Variants in ZFYVE21 observed in about 807,000 individuals in gnomAD.
The protein encoded by ZFYVE21 is zinc finger FYVE domain-containing protein 21.
In ZFYVE21, 21 loss-of-function variants were observed where a neutral mutation model predicts 29.5. The ratio of observed to expected loss-of-function variants is 0.71; its 90% confidence interval spans 0.50 to 1.02. The LOEUF (loss-of-function observed/expected upper bound fraction) is 1.02, where lower values mean the gene tolerates loss of function less well. ZFYVE21 is among the 50% of genes least tolerant of loss of function. ZFYVE21 has a pLI of 0.00. For missense variants in ZFYVE21, 326 were observed against 335.4 expected (o/e 0.97, Z 0.22); for synonymous variants, 151 against 133.8 (o/e 1.13, Z -0.89).
At chr14:103,718,657 A>G (rs1595687406) in intron 1 of ZFYVE21, among the ~76,000 whole-genome samples, 1 of 152,266 alleles carries the variant, frequency 6.6e-6, no homozygotes, top group East Asian at 1.9e-4. Context: ...GACGCAAGGC[A>G]GTGGGCTTGG....
chr14:103,721,688 T>C (rs2083873904), intron 1 of ZFYVE21, among the ~76,000 whole-genome samples: 2 of 152,228 alleles, frequency 1.3e-5, no homozygotes, highest in African/African-American at 4.8e-5. Context: ...CTTGCCTCAC[T>C]CTCCCTCTTC....
rs967999662 is a variant in ZFYVE21, at chr14:103,729,139, C to T, written c.483C>T (p.His161=). 35 of 1,613,974 alleles carry T rather than the reference C, an allele frequency of 2.2e-5. No homozygotes were observed. The highest frequency in any genetic ancestry group is 2.8e-5 in the Non-Finnish European group (33 of 1,180,034). ...GDSHYEIEIV[H]ISTVQILTEG... is the part of the protein sequence containing the mutation. ...GCCACTATGAAATCGAAATTGTACA[C>T]ATTTCCACCGTGCAGATCCTCACAG... is the stretch of plus-strand genomic sequence containing the variant. The change falls in exon 5 of 7, where the codon CAC becomes CAT. Residue 161 remains histidine, a synonymous_variant. Transcript: ENST00000311141.
chr14:103,717,313 T>C (rs2083834326), intron 1 of ZFYVE21, among the ~76,000 whole-genome samples: 1 of 152,208 alleles, frequency 6.6e-6, no homozygotes, highest in Non-Finnish European at 1.5e-5. Flanking sequence ...AGTTGACACG[T>C]GAAAATTGTA....
intron 1 of ZFYVE21, among the ~76,000 whole-genome samples, chr14:103,722,385 C>T (rs1264877558): frequency 7.7e-6 from 1 of 129,080 alleles, no homozygotes; most frequent in Non-Finnish European, 1.6e-5. Context: ...GACAGGGTCT[C>T]ACTCTGCTTC....
At chr14:103,729,598 C>T (rs975087258) in intron 5 of ZFYVE21, 1 of 690,410 alleles carries the variant, frequency 1.4e-6, no homozygotes, top group Non-Finnish European at 2.4e-6. Context: ...GACTAAACCC[C>T]TGGTGCATTT....
At chr14:103,722,929 C>T (rs1249984463) in intron 1 of ZFYVE21, among the ~76,000 whole-genome samples, 3 of 152,248 alleles carry the variant, frequency 2.0e-5, no homozygotes, top group South Asian at 2.1e-4. Flanking sequence ...GGATTACAGG[C>T]GTGAGCCACT....
chr14:103,727,633 A>G (rs7160123), intron 2 of ZFYVE21, 113 bp from the exon 3 acceptor site: 3 of 1,407,534 alleles, frequency 2.1e-6, no homozygotes, highest in Non-Finnish European at 2.9e-6. Flanking sequence ...AGCGGCCGGC[A>G]CAGGGGCCTC....
chr14:103,731,859 G>A (rs2083979144), intron 5 of ZFYVE21: 1 of 152,216 alleles, frequency 6.6e-6, no homozygotes, highest in East Asian at 1.9e-4. Context: ...CATCCCATGG[G>A]TCTCTTTCAA....
chr14:103,732,575 C>T (rs202103066), intron 5 of ZFYVE21, 45 bp from the exon 6 acceptor site: 27 of 1,515,556 alleles, frequency 1.8e-5, no homozygotes, highest in African/African-American at 4.2e-5. Context: ...CGCCTGGGCA[C>T]TCAGGGCCTC....
Position 103,726,781 on chromosome 14 carries a change from G to C in ZFYVE21, c.139-11G>C. ...AAGCTGCGTTTTAACGCTTTGTCGT[G>C]TCTTTCCTAGTGTCGGAGATGTATG... On this transcript the variant is annotated splice_polypyrimidine_tract_variant and intron_variant, in intron 1 of 6. Coordinates refer to ENST00000311141, the MANE Select transcript of ZFYVE21 (RefSeq NM_024071.4). 1.2e-6 allele frequency: 2 copies of C among 1,613,928 alleles called. No individual in the cohort carries two copies. The highest frequency in any genetic ancestry group is 2.2e-5 in the South Asian group (2 of 91,078).
intron 6 of ZFYVE21, 66 bp from the exon 7 acceptor site, chr14:103,732,917 C>T: frequency 6.2e-7 from 1 of 1,612,102 alleles, no homozygotes; most frequent in Non-Finnish European, 8.5e-7. Context: ...GAAATGCACA[C>T]AGGCTTGGCT....
rs750825855 is a variant in ZFYVE21 at position 103,732,963 on chromosome 14, TG to T, written c.670-19del. On this transcript the variant is annotated intron_variant, in intron 6 of 6. Coordinates refer to ENST00000311141, the MANE Select transcript of ZFYVE21 (RefSeq NM_024071.4). Reference sequence around the variant, plus strand: ...CAGGACCAAGCAGGCCTCACTGTGTTGATCTTGTCTGATCTGCAGGCTGCCA... The same window carrying T: ...CAGGACCAAGCAGGCCTCACTGTGTTATCTTGTCTGATCTGCAGGCTGCCA... 6.2e-6 allele frequency: 10 copies of T among 1,614,022 alleles called. No individual in the cohort carries two copies. Among genetic ancestry groups the T allele is most frequent in the Non-Finnish European group, 7.6e-6 (9 of 1,180,004 alleles).
rs1035162352 is a variant in ZFYVE21 at position 103,716,569 on chromosome 14, T to A, written c.138+590T>A. ...TCTGCGGGCCAGGCTGCCCCCCGTT[T>A]CCCTTCGTCTATACCACCCTCCACC... is the stretch of plus-strand genomic sequence containing the variant. On this transcript the variant is annotated intron_variant, in intron 1 of 6. Transcript: ENST00000311141. This position sits in a 1 kb window ranked among gnomAD's most constrained non-coding sequence, Gnocchi z 4.8. Among the ~76,000 whole-genome samples the A allele has an allele frequency of 6.6e-6, 1 of 152,194 alleles. No homozygotes were observed. The highest frequency in any genetic ancestry group is 2.4e-5 in the African/African-American group (1 of 41,446).
chr14:103,733,133 C>A lies in ZFYVE21; in HGVS notation c.*115C>A. 1 of 1,363,112 alleles carries A rather than the reference C, an allele frequency of 7.3e-7. No homozygotes were observed. Among genetic ancestry groups the A allele is most frequent in the Non-Finnish European group, 1.0e-6 (1 of 967,644 alleles). The allele number at this position is 1,363,112 out of a possible 1,614,324, so 84.4% of individuals were successfully genotyped here. Reference sequence around the variant, plus strand: ...TTAATCCTGCTTGTGCTGGGAAATGCAACTCACTCATGTATTTGGAGAAAC... The same window carrying A: ...TTAATCCTGCTTGTGCTGGGAAATGAAACTCACTCATGTATTTGGAGAAAC... On this transcript the variant is annotated 3_prime_UTR_variant, in exon 7 of 7. Coordinates refer to ENST00000311141, the MANE Select transcript of ZFYVE21 (RefSeq NM_024071.4).
chr14:103,726,734 C>T (rs1475696582), intron 1 of ZFYVE21, 58 bp from the exon 2 acceptor site: 3 of 1,607,206 alleles, frequency 1.9e-6, no homozygotes, highest in East Asian at 2.2e-5. Flanking sequence ...GTGGTCGTGC[C>T]CCAGCGACGT....
At position 103,715,930 on chromosome 14, in the gene ZFYVE21, T is replaced by A. The variant is rs376966619; in HGVS notation, c.89T>A (p.Phe30Tyr). 313 of 1,431,114 alleles carry A rather than the reference T, an allele frequency of 2.2e-4. No homozygotes were observed. The highest frequency in any genetic ancestry group is 1.2e-3 in the Middle Eastern group (5 of 4,188). 88.7% of individuals were successfully genotyped at this position (1,431,114 alleles called of 1,614,324 possible). Residue 30 changes from phenylalanine to tyrosine, a missense_variant, in exon 1 of 7, where the codon TTC (phenylalanine) becomes TAC (tyrosine). Transcript: ENST00000311141. Reference protein sequence around the residue: ...GLRMVPEHRAFGSPFGLEEPQ... With the variant: ...GLRMVPEHRAYGSPFGLEEPQ... Reference sequence around the variant, plus strand: ...CGCATGGTGCCCGAACACCGCGCCTTCGGAAGCCCGTTCGGCCTGGAGGAG... The same window carrying A: ...CGCATGGTGCCCGAACACCGCGCCTACGGAAGCCCGTTCGGCCTGGAGGAG...
At position 103,715,958 on chromosome 14, in the gene ZFYVE21, G is replaced by A; in HGVS notation, c.117G>A (p.Pro39=). 2.1e-6 allele frequency: 3 copies of A among 1,402,106 alleles called. No individual in the cohort carries two copies. The highest frequency in any genetic ancestry group is 2.8e-6 in the Non-Finnish European group (3 of 1,065,456). The allele number at this position is 1,402,106 out of a possible 1,614,324, so 86.9% of individuals were successfully genotyped here. The change falls in exon 1 of 7, where the codon CCG becomes CCA. Residue 39 remains proline (P), a synonymous_variant. Coordinates refer to ENST00000311141, the MANE Select transcript of ZFYVE21 (RefSeq NM_024071.4). ...GAAGCCCGTTCGGCCTGGAGGAGCC[G>A]CAGTGGGTCCCGGACAAGGAGGTGG... ...AFGSPFGLEE[P]QWVPDKECRR...
Position 103,732,812 on chromosome 14 carries a change from C to T in ZFYVE21, c.669+50C>T, listed in dbSNP as rs184715107. ...CTGGGCCCTTTGGCTTAGACAAAAG[C>T]TTGCCTTTCCCAGAGGAAGCTCTGT... On this transcript the variant is annotated intron_variant, in intron 6 of 6. Transcript: ENST00000311141. 4.8e-4 allele frequency: 761 copies of T among 1,601,796 alleles called. 5 individuals carry two copies. In the East Asian group the frequency reaches 0.014, roughly 29 times the overall value.
chr14:103,718,214 C>T (rs1595687229), intron 1 of ZFYVE21, among the ~76,000 whole-genome samples: 1 of 152,196 alleles, frequency 6.6e-6, no homozygotes, highest in Non-Finnish European at 1.5e-5. Flanking sequence ...GTGTGCCGAT[C>T]GGCATCATCG....
Sources: gnomAD v4.1 joint callset for allele counts (sites outside exome capture counted in the v4.1 genomes callset) on GRCh38, gnomAD v4.1.1 for gene constraint, Gnocchi (gnomAD v3.1) non-coding constraint, MANE v1.5 for transcripts, NCBI Gene and HGNC (gene_info 2026-07-23, HGNC 2026-07-21) for gene names.